NEAT1: variants seen among roughly 807,000 people sequenced by gnomAD.
NEAT1 encodes MENepsilon/beta.
exon 1 of NEAT1, chr11:65,440,778 G>C (rs1486800661): frequency 6.7e-6 from 1 of 149,680 alleles, no homozygotes; most frequent in Non-Finnish European, 1.5e-5. Flanking sequence ...AGGAGGCGGA[G>C]GTTACAGTCA....
At chr11:65,438,718 C>T (rs533171085) in exon 1 of NEAT1, 2 of 152,188 alleles carry the variant, frequency 1.3e-5, no homozygotes, top group Non-Finnish European at 2.9e-5. Context: ...CAGCATATAA[C>T]AGTACTGCGT....
chr11:65,440,294 T>G (rs181065131), exon 1 of NEAT1: 2 of 152,066 alleles, frequency 1.3e-5, no homozygotes, highest in Non-Finnish European at 2.9e-5. Flanking sequence ...GCCTGAGTTT[T>G]ATTTTGTTGA....
exon 1 of NEAT1, chr11:65,438,125 G>T (rs1411839864): frequency 2.0e-5 from 3 of 152,112 alleles, no homozygotes; most frequent in Non-Finnish European, 1.5e-5. Context: ...GCCTATTCCT[G>T]CTGTCCACAG....
exon 1 of NEAT1, chr11:65,431,114 T>C (rs955631102): frequency 6.6e-6 from 1 of 152,198 alleles, no homozygotes; most frequent in Non-Finnish European, 1.5e-5. Context: ...TCCAAGCACT[T>C]CATATCAGTT....
At chr11:65,426,614 T>C (rs977192261) in exon 1 of NEAT1, 5 of 152,216 alleles carry the variant, frequency 3.3e-5, no homozygotes, top group Admixed American at 6.5e-5. Context: ...ATATTGTAGA[T>C]TTAGGTCTAG....
exon 1 of NEAT1, chr11:65,427,755 T>C (rs1446724251): frequency 2.0e-5 from 3 of 152,184 alleles, no homozygotes; most frequent in Admixed American, 6.6e-5. Flanking sequence ...ATAACCGCCT[T>C]CTCTTCTTTT....
chr11:65,437,675 C>T (rs1299404348), exon 1 of NEAT1: 1 of 152,112 alleles, frequency 6.6e-6, no homozygotes, highest in Non-Finnish European at 1.5e-5. Context: ...TTTCCATCCA[C>T]TCACGTCTAT....
exon 1 of NEAT1, chr11:65,431,401 C>T (rs914054683): frequency 6.6e-6 from 1 of 151,892 alleles, no homozygotes; most frequent in Non-Finnish European, 1.5e-5. Flanking sequence ...GAGATCCTAC[C>T]TTCAGTTCTT....
chr11:65,428,564 G>A (rs1478406015), exon 1 of NEAT1: 1 of 152,122 alleles, frequency 6.6e-6, no homozygotes, highest in Admixed American at 6.5e-5. Context: ...TTACAGATAC[G>A]ATATGTTTTA....
exon 1 of NEAT1, chr11:65,441,642 GT>G (rs1856715793): frequency 6.6e-6 from 1 of 151,906 alleles, no homozygotes; most frequent in Non-Finnish European, 1.5e-5. Context: ...TTTATTCCTA[GT>G]TTTTCGTTTT....
exon 1 of NEAT1, chr11:65,428,134 A>T (rs1856580311): frequency 1.3e-5 from 2 of 152,370 alleles, no homozygotes; most frequent in Middle Eastern, 3.4e-3. Context: ...ATCCTTATGC[A>T]TAGATCTGAA....
chr11:65,434,124 A>G (rs1856637021), exon 1 of NEAT1: 1 of 152,162 alleles, frequency 6.6e-6, no homozygotes. Flanking sequence ...TGTTTACTGG[A>G]TAGAGCTCAT....
chr11:65,437,195 GTATATATATATATATGTATATATATATA>G (rs1171212520), exon 1 of NEAT1: 1 of 129,052 alleles, frequency 7.7e-6, no homozygotes, highest in African/African-American at 3.0e-5. Context: ...ATATATATAT[GTATATATATATATATGTATATATATATA>G]TATACATATA....
At chr11:65,436,978 G>A (rs1329061568) in exon 1 of NEAT1, 1 of 151,872 alleles carries the variant, frequency 6.6e-6, no homozygotes, top group African/African-American at 2.4e-5. Context: ...CCTTCACCCA[G>A]GCTGTGCCCT....
exon 1 of NEAT1, chr11:65,433,931 C>T (rs1476620616): frequency 6.6e-6 from 1 of 152,024 alleles, no homozygotes; most frequent in Non-Finnish European, 1.5e-5. Flanking sequence ...GTTTATCTCT[C>T]ACTTGCTTTC....
chr11:65,442,184 C>CTGG (rs1033485583), exon 1 of NEAT1: 8 of 151,652 alleles, frequency 5.3e-5, no homozygotes, highest in Non-Finnish European at 8.8e-5. Flanking sequence ...AGAGCCTGAG[C>CTGG]TGGTCCCCAG....
At chr11:65,427,218 G>C (rs1434093398) in exon 1 of NEAT1, 2 of 152,284 alleles carry the variant, frequency 1.3e-5, no homozygotes, top group Non-Finnish European at 2.9e-5. Context: ...TGGGGTGTAA[G>C]GTTTTGCTTA....
At chr11:65,433,436 T>C (rs756111963) in exon 1 of NEAT1, 1 of 152,192 alleles carries the variant, frequency 6.6e-6, no homozygotes, top group Non-Finnish European at 1.5e-5. Flanking sequence ...ATCTCAATCT[T>C]AATCTTTGAT....
chr11:65,426,267 T>A (rs1856560483), exon 1 of NEAT1: 1 of 152,210 alleles, frequency 6.6e-6, no homozygotes, highest in Non-Finnish European at 1.5e-5. Flanking sequence ...TATGTTGACA[T>A]GGTAGTTCAG....
Sources: gnomAD v4.1 joint callset for allele counts on GRCh38, gnomAD v4.1.1 for gene constraint, MANE v1.5 for transcripts, NCBI Gene and HGNC (gene_info 2026-07-23, HGNC 2026-07-21) for gene names.